CRYGS: variants seen among roughly 807,000 people sequenced by gnomAD.
CRYGS encodes crystallin gamma S.
In CRYGS, 13 loss-of-function variants were observed where a neutral mutation model predicts 21.3. The observed-to-expected ratio is 0.61, with a 90% CI of 0.40 to 0.97. CRYGS has a LOEUF of 0.97. Ranked by LOEUF, CRYGS falls within the 50% of genes least tolerant of loss-of-function variation. The probability of loss-of-function intolerance (pLI) is 0.00; values close to 1 mark genes in which losing one functional copy is unlikely to be tolerated. For synonymous variants in CRYGS, 67 were observed against 75.0 expected, an observed-to-expected ratio of 0.89 and a Z score of 0.55; for missense variants, 205 against 229.7, an observed-to-expected ratio of 0.89 and a Z score of 0.69.
At position 186,538,748 on chromosome 3, in the gene CRYGS, T is replaced by A; in HGVS notation, c.485A>T (p.Asp162Val). 6.2e-7 allele frequency: 1 copy of A among 1,614,150 alleles called. No individual in the cohort carries two copies. The highest frequency in any genetic ancestry group is 8.5e-7 in the Non-Finnish European group (1 of 1,180,014). Residue 162 changes from aspartate to valine, a missense_variant, in exon 3 of 3, where the codon GAT (aspartate) becomes GTT (valine). Coordinates refer to ENST00000307944, the MANE Select transcript of CRYGS (RefSeq NM_017541.4). ...LDKKEYRKPI[D>V]WGAASPAVQS... ...GACAGCTGGGGAGGCTGCACCCCAATCGATGGGCTTCCGGTACTCCTTCTT... is the reference window on the plus strand; with the variant it reads ...GACAGCTGGGGAGGCTGCACCCCAAACGATGGGCTTCCGGTACTCCTTCTT...
Position 186,538,505 on chromosome 3 carries a change from T to C in CRYGS, c.*191A>G. The C allele has an allele frequency of 1.5e-6, 1 of 654,036 alleles. No individual in the cohort carries two copies. The highest frequency in any genetic ancestry group is 2.6e-6 in the Non-Finnish European group (1 of 380,832). The allele number at this position is 654,036 out of a possible 1,614,324, so 40.5% of individuals were successfully genotyped here. ...GGCACAAAGATCTAGATTGGTGATCTGGCAGATGGGTAGCTTTGTGTGACT... is the reference window on the plus strand; with the variant it reads ...GGCACAAAGATCTAGATTGGTGATCCGGCAGATGGGTAGCTTTGTGTGACT... On this transcript the variant is annotated 3_prime_UTR_variant, in exon 3 of 3. Transcript: ENST00000307944.
Position 186,538,465 on chromosome 3 carries a change from G to T in CRYGS, c.*231C>A. 1 of 592,154 alleles carries T rather than the reference G, an allele frequency of 1.7e-6. No individual in the cohort carries two copies. Among genetic ancestry groups the T allele is most frequent in the Non-Finnish European group, 3.0e-6 (1 of 333,718 alleles). The allele number at this position is 592,154 out of a possible 1,614,324, so 36.7% of individuals were successfully genotyped here. A position where few individuals can be genotyped will look rare whatever the true frequency, so the allele number is the denominator to read the frequency against. On this transcript the variant is annotated 3_prime_UTR_variant, in exon 3 of 3. Transcript: ENST00000307944. ...GTATGACTTTCTAACCTTTTAATGA[G>T]ATCTCATTTTGTTTGGCACAAAGAT...
rs550784657 is a variant in CRYGS at position 186,539,438 on chromosome 3, T to C, written c.181A>G (p.Ile61Val). 2.5e-6 allele frequency: 4 copies of C among 1,612,600 alleles called. No homozygotes were observed. The highest frequency in any genetic ancestry group is 1.1e-5 in the South Asian group (1 of 91,002). The change falls in exon 2 of 3, where the codon ATC becomes GTC. Residue 61 changes from isoleucine to valine, a missense_variant. Ile to Val is a conservative substitution (Grantham distance 29). Coordinates refer to ENST00000307944, the MANE Select transcript of CRYGS (RefSeq NM_017541.4). ...ERPNFAGYMY[I>V]LPQGEYPEYQ... ...TCAGGGTACTCTCCCTGTGGTAAGA[T>C]GTACATGTACCCAGCAAAGTTGGGC...
chr3:186,539,889 T>C, intron 1 of CRYGS: 1 of 387,906 alleles, frequency 2.6e-6, no homozygotes, highest in East Asian at 6.0e-5. Context: ...TTCCCACAGC[T>C]CTCTGTACTT....
chr3:186,538,710 G>C lies in CRYGS; in HGVS notation c.523C>G (p.Arg175Gly). 6.2e-7 allele frequency: 1 copy of C among 1,614,140 alleles called. No individual in the cohort carries two copies. Among genetic ancestry groups the C allele is most frequent in the South Asian group, 1.1e-5 (1 of 91,076 alleles). Residue 175 changes from arginine to glycine, a missense_variant, in exon 3 of 3, where the codon CGC becomes GGC. Transcript: ENST00000307944. ...AASPAVQSFR[R>G]IVE is the part of the protein sequence containing the mutation. ...CATTCATGTCATTACTCCACAATGCGGCGGAAAGACTGGACAGCTGGGGAG... is the reference window on the plus strand; with the variant it reads ...CATTCATGTCATTACTCCACAATGCCGCGGAAAGACTGGACAGCTGGGGAG...
At chr3:186,539,100 T>C in intron 2 of CRYGS, 132 bp from the exon 3 acceptor site, 2 of 1,183,426 alleles carry the variant, frequency 1.7e-6, no homozygotes. Context: ...TCTCACCATG[T>C]ACTGACTAAA....
chr3:186,543,349 T>C (rs958456916), intron 1 of CRYGS, among the ~76,000 whole-genome samples: 17 of 152,290 alleles, frequency 1.1e-4, no homozygotes, highest in Middle Eastern at 3.4e-3. Flanking sequence ...GATTTGAATA[T>C]GGTCTCAATA....
chr3:186,543,657 A>G (rs1390816929), intron 1 of CRYGS, among the ~76,000 whole-genome samples: 1 of 152,176 alleles, frequency 6.6e-6, no homozygotes, highest in African/African-American at 2.4e-5. Flanking sequence ...GCTGGGGGTA[A>G]AAATCAGGCA....
chr3:186,539,018 G>C, intron 2 of CRYGS, 50 bp from the exon 3 acceptor site: 3 of 1,600,786 alleles, frequency 1.9e-6, no homozygotes, highest in Non-Finnish European at 2.6e-6. Context: ...GAAATCACCA[G>C]CAGGTCAAGA....
chr3:186,542,008 A>G (rs560888223), intron 1 of CRYGS, among the ~76,000 whole-genome samples: 65 of 152,346 alleles, frequency 4.3e-4, no homozygotes, highest in South Asian at 6.2e-4. Context: ...TTTTTGACCA[A>G]ACAAGTCACT....
Position 186,543,654 on chromosome 3 carries a change from G to A in CRYGS, c.21+652C>T, listed in dbSNP as rs148939661. 1.7e-3 allele frequency among the ~76,000 whole-genome samples: 261 copies of A among 152,208 alleles called. 2 individuals are homozygous for A. Among genetic ancestry groups the A allele is most frequent in the Middle Eastern group, 3.4e-3 (1 of 294 alleles). On this transcript the variant is annotated intron_variant, in intron 1 of 2. Transcript: ENST00000307944. ...TTTGAAAATTTTCAAATAGCTGGGGGTAAAAATCAGGCAGCAGTTTTGTCT... is the reference window on the plus strand; with the variant it reads ...TTTGAAAATTTTCAAATAGCTGGGGATAAAAATCAGGCAGCAGTTTTGTCT...
At chr3:186,541,224 GTTCT>G (rs1302585177) in intron 1 of CRYGS, among the ~76,000 whole-genome samples, 10 of 152,182 alleles carry the variant, frequency 6.6e-5, no homozygotes, top group South Asian at 2.1e-4. Flanking sequence ...ATCCTGGGTA[GTTCT>G]TTCTATCTAG....
intron 1 of CRYGS, 168 bp from the exon 2 acceptor site, chr3:186,539,765 A>C: frequency 2.7e-6 from 2 of 729,262 alleles, no homozygotes; most frequent in Non-Finnish European, 4.4e-6. Context: ...AGACAACTTC[A>C]GTTGTCAACA....
intron 1 of CRYGS, 26 bp from the exon 2 acceptor site, chr3:186,539,623 G>T: frequency 6.2e-7 from 1 of 1,613,806 alleles, no homozygotes; most frequent in Non-Finnish European, 8.5e-7. Flanking sequence ...AACAGAGAAA[G>T]AGCTGAGGAG....
Position 186,538,816 on chromosome 3 carries a change from G to T in CRYGS, c.417C>A (p.Phe139Leu). ...TGCCACGGTAGTTGGGTAGCTCATA[G>T]AAAATCCAGACACCCTCCAGCACCT... ...SCKVLEGVWIFYELPNYRGRQ... is the reference protein window; with the variant it reads ...SCKVLEGVWILYELPNYRGRQ... Residue 139 changes from phenylalanine to leucine, a missense_variant, in exon 3 of 3, where the codon TTC becomes TTA. Coordinates refer to ENST00000307944, the MANE Select transcript of CRYGS (RefSeq NM_017541.4). The T allele has an allele frequency of 6.2e-7, 1 of 1,614,166 alleles. No homozygotes were observed. Among genetic ancestry groups the T allele is most frequent in the African/African-American group, 1.3e-5 (1 of 75,036 alleles).
At chr3:186,541,526 G>A (rs953779405) in intron 1 of CRYGS, among the ~76,000 whole-genome samples, 2 of 152,298 alleles carry the variant, frequency 1.3e-5, no homozygotes, top group Admixed American at 6.5e-5. Flanking sequence ...CTTGGACAGG[G>A]CAATGAACCT....
At chr3:186,541,943 T>G (rs1280192304) in intron 1 of CRYGS, among the ~76,000 whole-genome samples, 1 of 151,594 alleles carries the variant, frequency 6.6e-6, no homozygotes, top group African/African-American at 2.4e-5. Context: ...AAATAACTTC[T>G]CTAAGAATGG....
At chr3:186,540,721 C>A (rs1194493096) in intron 1 of CRYGS, 4 of 975,496 alleles carry the variant, frequency 4.1e-6, no homozygotes, top group African/African-American at 1.8e-5. Context: ...ATGGATTTCA[C>A]GGGCGAAAAC....
At chr3:186,541,718 T>A (rs998606500) in intron 1 of CRYGS, among the ~76,000 whole-genome samples, 19 of 152,232 alleles carry the variant, frequency 1.2e-4, no homozygotes, top group African/African-American at 4.6e-4. Flanking sequence ...TGTCACTACC[T>A]AGTTACAAGT....
Sources: allele counts gnomAD v4.1 joint callset (sites outside exome capture counted in the v4.1 genomes callset), GRCh38; gene constraint gnomAD v4.1.1; transcripts MANE v1.5; gene names NCBI Gene and HGNC (gene_info 2026-07-23, HGNC 2026-07-21).